SGCZ: variants seen among roughly 807,000 people sequenced by gnomAD.
The protein encoded by SGCZ is zeta-sarcoglycan.
In SGCZ, 40 loss-of-function variants were observed where a neutral mutation model predicts 41.3. That is an observed-to-expected ratio of 0.97 (90% CI 0.75 to 1.26). The LOEUF (loss-of-function observed/expected upper bound fraction) is 1.26. Ranked by LOEUF, SGCZ falls within the 50% of genes most tolerant of loss-of-function variation. The pLI, the probability that SGCZ is intolerant of heterozygous loss-of-function variation, is 0.00. For synonymous variants in SGCZ, 206 were observed against 137.5 expected, an observed-to-expected ratio of 1.50 and a Z score of -3.49; for missense variants, 552 against 369.8, an observed-to-expected ratio of 1.49 and a Z score of -4.04.
At chr8:15,194,650 A>T (rs888996459) in intron 1 of SGCZ, among the ~76,000 whole-genome samples, 2 of 152,100 alleles carry the variant, frequency 1.3e-5, no homozygotes, top group Admixed American at 6.5e-5. Flanking sequence ...GATAAGAGAG[A>T]GACAGAAAGG....
At chr8:14,646,950 C>T (rs1807241382) in intron 1 of SGCZ, among the ~76,000 whole-genome samples, 1 of 151,898 alleles carries the variant, frequency 6.6e-6, no homozygotes, top group Admixed American at 6.6e-5. Flanking sequence ...CTCCAGCTGT[C>T]TCTGGGCTCA....
intron 2 of SGCZ, among the ~76,000 whole-genome samples, chr8:14,393,881 G>A (rs939921184): frequency 6.6e-6 from 1 of 152,052 alleles, no homozygotes. Flanking sequence ...CAGCATCTTG[G>A]GAGAGAATTT....
intron 1 of SGCZ, among the ~76,000 whole-genome samples, chr8:14,584,142 T>G (rs1272831891): frequency 6.6e-6 from 1 of 152,036 alleles, no homozygotes; most frequent in Non-Finnish European, 1.5e-5. Context: ...ACAAACCACA[T>G]AGATTTAAAT....
At chr8:14,988,575 AT>A (rs1350162177) in intron 1 of SGCZ, among the ~76,000 whole-genome samples, 2 of 152,014 alleles carry the variant, frequency 1.3e-5, no homozygotes, top group Admixed American at 1.3e-4. Flanking sequence ...TCGTCTTTTC[AT>A]TTCTATGCAG....
rs150838383 is a variant in SGCZ at position 14,838,142 on chromosome 8, T to A, written c.40-283216A>T. Among the ~76,000 whole-genome samples, 1,379 of 152,146 alleles carry A rather than the reference T, an allele frequency of 9.1e-3. 10 individuals are homozygous for A. Among genetic ancestry groups the A allele is most frequent in the Middle Eastern group, 0.017 (5 of 294 alleles). On this transcript the variant is annotated intron_variant, in intron 1 of 7. Transcript: ENST00000382080. ...CATATGCGGGATAGAGAGAGTAGAA[T>A]GATGGTTACCAGAAGCTAGGAAGGG...
At chr8:15,114,059 CAG>C (rs1585577437) in intron 1 of SGCZ, among the ~76,000 whole-genome samples, 1 of 152,312 alleles carries the variant, frequency 6.6e-6, no homozygotes, top group East Asian at 1.9e-4. Flanking sequence ...ATTAGAGAAA[CAG>C]ATCTCATGTT....
chr8:14,309,875 G>C (rs1801472460), intron 3 of SGCZ, among the ~76,000 whole-genome samples: 1 of 151,196 alleles, frequency 6.6e-6, no homozygotes, highest in South Asian at 2.1e-4. Context: ...TTTGGCTAGA[G>C]TTTCTGCTAT....
chr8:15,113,804 T>C (rs541708664), intron 1 of SGCZ, among the ~76,000 whole-genome samples: 221 of 152,304 alleles, frequency 1.5e-3, no homozygotes, highest in Middle Eastern at 3.4e-3. Flanking sequence ...TCCCAGATTT[T>C]CTCAGTAAAA....
chr8:14,592,069 G>T (rs1805258798), intron 1 of SGCZ, among the ~76,000 whole-genome samples: 1 of 152,076 alleles, frequency 6.6e-6, no homozygotes, highest in African/African-American at 2.4e-5. Context: ...CCAAAATATA[G>T]CAAAGACTTG....
At chr8:14,179,404 C>A (rs1425435860) in intron 4 of SGCZ, among the ~76,000 whole-genome samples, 1 of 152,166 alleles carries the variant, frequency 6.6e-6, no homozygotes, top group Non-Finnish European at 1.5e-5. Flanking sequence ...ATTCACAAGA[C>A]CAGTTCGCCT....
At chr8:14,780,216 T>C (rs2130431142) in intron 1 of SGCZ, among the ~76,000 whole-genome samples, 1 of 151,276 alleles carries the variant, frequency 6.6e-6, no homozygotes, top group South Asian at 2.1e-4. Flanking sequence ...CTACTAAAAA[T>C]ACAAAAAAAT....
At chr8:14,409,039 T>C (rs567274548) in intron 2 of SGCZ, among the ~76,000 whole-genome samples, 1 of 151,718 alleles carries the variant, frequency 6.6e-6, no homozygotes, top group Non-Finnish European at 1.5e-5. Flanking sequence ...AGTTCCAGGA[T>C]CATTTCAGTT....
At chr8:14,500,316 T>G (rs939798314) in intron 2 of SGCZ, among the ~76,000 whole-genome samples, 8 of 152,002 alleles carry the variant, frequency 5.3e-5, no homozygotes, top group Non-Finnish European at 1.2e-4. Flanking sequence ...TCAGGCGCCA[T>G]TGTCAGAAAA....
intron 2 of SGCZ, among the ~76,000 whole-genome samples, chr8:14,329,473 T>C (rs548639169): frequency 3.9e-5 from 6 of 152,310 alleles, no homozygotes; most frequent in African/African-American, 1.4e-4. Flanking sequence ...CTCTTATTTT[T>C]ATTTCTTCTT....
chr8:14,611,763 C>A (rs75740057), intron 1 of SGCZ, among the ~76,000 whole-genome samples: 1 of 151,880 alleles, frequency 6.6e-6, no homozygotes, highest in Admixed American at 6.6e-5. Flanking sequence ...AGACTGGAAA[C>A]AATACAAATT....
At chr8:14,660,786 G>C (rs922378409) in intron 1 of SGCZ, among the ~76,000 whole-genome samples, 2 of 151,830 alleles carry the variant, frequency 1.3e-5, no homozygotes, top group African/African-American at 4.8e-5. Context: ...AACTGGAGAG[G>C]CCATACAGTA....
intron 1 of SGCZ, among the ~76,000 whole-genome samples, chr8:15,035,683 G>C (rs772988175): frequency 7.2e-5 from 11 of 151,892 alleles, no homozygotes; most frequent in Admixed American, 2.0e-4. Flanking sequence ...AAGAAAACAA[G>C]GTTAGCTACG....
At chr8:14,679,586 T>C (rs1417233973) in intron 1 of SGCZ, among the ~76,000 whole-genome samples, 1 of 151,564 alleles carries the variant, frequency 6.6e-6, no homozygotes, top group Non-Finnish European at 1.5e-5. Context: ...TTTTGTGCTT[T>C]AAGTGTTATT....
At chr8:14,527,185 A>G (rs1461862) in intron 2 of SGCZ, among the ~76,000 whole-genome samples, 3,149 of 152,322 alleles carry the variant, frequency 0.021, 43 homozygotes, top group African/African-American at 0.027. Context: ...CTAGAAAAGA[A>G]AGTATTAATA....
Sources: allele counts gnomAD v4.1 joint callset (sites outside exome capture counted in the v4.1 genomes callset), GRCh38; gene constraint gnomAD v4.1.1; transcripts MANE v1.5; gene names NCBI Gene and HGNC (gene_info 2026-07-23, HGNC 2026-07-21).